HMGB1: variants seen among roughly 807,000 people sequenced by gnomAD.
The protein encoded by HMGB1 is high mobility group box 1, also known as high mobility group protein B1.
For synonymous variants in HMGB1, 81 were observed against 84.0 expected (o/e 0.96, Z 0.19); for missense variants, 79 against 253.5 (o/e 0.31, Z 4.67).
intron 1 of HMGB1, among the ~76,000 whole-genome samples, chr13:30,472,064 G>A (rs1886957634): frequency 6.6e-6 from 1 of 151,938 alleles, no homozygotes; most frequent in South Asian, 2.1e-4. Context: ...GATCACTTGA[G>A]GCCAGGAGTT....
intron 1 of HMGB1, among the ~76,000 whole-genome samples, chr13:30,550,754 A>G (rs973060700): frequency 4.6e-5 from 7 of 152,228 alleles, no homozygotes; most frequent in African/African-American, 1.7e-4. Flanking sequence ...AAATTTTTGC[A>G]TTTGAAAATT....
At chr13:30,465,241 G>A in intron 1 of HMGB1, 3 of 257,024 alleles carry the variant, frequency 1.2e-5, no homozygotes, top group Non-Finnish European at 1.7e-5. Context: ...GGCCCGCACT[G>A]CCGCCCCCAG....
chr13:30,482,953 A>T (rs77550501), intron 1 of HMGB1, among the ~76,000 whole-genome samples: 9 of 143,078 alleles, frequency 6.3e-5, no homozygotes, highest in South Asian at 2.3e-4. Flanking sequence ...AACACCAGCT[A>T]TTTTTTTTTT....
chr13:30,560,359 T>C (rs1282597826), intron 1 of HMGB1, among the ~76,000 whole-genome samples: 2 of 152,200 alleles, frequency 1.3e-5, no homozygotes, highest in Non-Finnish European at 2.9e-5. Flanking sequence ...AATATGAAGC[T>C]TATCGGTAGC....
intron 1 of HMGB1, among the ~76,000 whole-genome samples, chr13:30,502,928 C>T (rs1453379750): frequency 2.0e-5 from 3 of 152,064 alleles, no homozygotes; most frequent in Non-Finnish European, 4.4e-5. Flanking sequence ...CACCCATCTC[C>T]CAAAGTGCTG....
At position 30,568,333 on chromosome 13, in the gene HMGB1, C is replaced by T. The variant is rs1426922013; in HGVS notation, c.-15+48338G>A. 2.0e-5 allele frequency among the ~76,000 whole-genome samples: 3 copies of T among 152,032 alleles called. No homozygotes were observed. In the East Asian group the frequency reaches 5.8e-4, roughly 29 times the overall value. ...AACAGCCCAGGCAACATATTGAGAC[C>T]CCCGTCTCTATAAGCAATAAAAAAT... On this transcript the variant is annotated intron_variant, in intron 1 of 4. Transcript: ENST00000405805.
chr13:30,536,319 A>G (rs1868432079), intron 1 of HMGB1, among the ~76,000 whole-genome samples: 1 of 152,116 alleles, frequency 6.6e-6, no homozygotes, highest in Admixed American at 6.6e-5. Context: ...TTTGCTTCAC[A>G]ATGCAATGTA....
At chr13:30,600,882 T>C (rs895649955) in intron 1 of HMGB1, among the ~76,000 whole-genome samples, 16 of 152,174 alleles carry the variant, frequency 1.1e-4, no homozygotes, top group Admixed American at 8.5e-4. Flanking sequence ...TCAGAGCTTG[T>C]TGATAGCAAA....
intron 1 of HMGB1, among the ~76,000 whole-genome samples, chr13:30,548,733 C>T (rs1005397863): frequency 6.6e-5 from 10 of 152,066 alleles, no homozygotes; most frequent in African/African-American, 2.2e-4. Flanking sequence ...CCTTGGGGGA[C>T]GTATAAGAAT....
rs1158550680 is a variant in HMGB1 at position 30,459,192 on chromosome 13, C to A, written c.*2165G>T. 6.6e-6 allele frequency: 1 copy of A among 152,112 alleles called. No homozygotes were observed. Among genetic ancestry groups the A allele is most frequent in the Non-Finnish European group, 1.5e-5 (1 of 68,016 alleles). The allele number at this position is 152,112 out of a possible 1,614,324, so 9.4% of individuals were successfully genotyped here. On this transcript the variant is annotated 3_prime_UTR_variant, in exon 5 of 5. Coordinates refer to ENST00000341423, the MANE Select transcript of HMGB1 (RefSeq NM_002128.7). ...GCTTTACACTTATCTAAATTGCCTC[C>A]CACTTCCATTTACTTGAGTTTTAGA...
At chr13:30,547,451 G>A (rs982296862) in intron 1 of HMGB1, among the ~76,000 whole-genome samples, 2 of 152,116 alleles carry the variant, frequency 1.3e-5, no homozygotes, top group Non-Finnish European at 2.9e-5. Flanking sequence ...GCCTTAAGCC[G>A]AGTCAAGAGC....
intron 1 of HMGB1, among the ~76,000 whole-genome samples, chr13:30,552,015 G>A (rs971424474): frequency 5.3e-5 from 8 of 152,052 alleles, no homozygotes; most frequent in African/African-American, 1.4e-4. Context: ...TTTTAAAAAT[G>A]CCCCAAGCGT....
At chr13:30,471,260 G>A (rs1886919998) in intron 1 of HMGB1, among the ~76,000 whole-genome samples, 1 of 152,156 alleles carries the variant, frequency 6.6e-6, no homozygotes, top group South Asian at 2.1e-4. Context: ...GTGAGCCAGC[G>A]CGCCTGGCCT....
chr13:30,505,327 T>TG (rs1887830766), intron 1 of HMGB1, among the ~76,000 whole-genome samples: 1 of 151,986 alleles, frequency 6.6e-6, no homozygotes, highest in South Asian at 2.1e-4. Context: ...TACAGGTGCG[T>TG]GCCACCAGGC....
chr13:30,520,744 T>C (rs1888219825), intron 1 of HMGB1, among the ~76,000 whole-genome samples: 3 of 152,220 alleles, frequency 2.0e-5, no homozygotes. Flanking sequence ...CTCAGTATCG[T>C]CCTCTGTGCC....
chr13:30,532,362 G>C (rs1888515402), intron 1 of HMGB1, among the ~76,000 whole-genome samples: 1 of 150,896 alleles, frequency 6.6e-6, no homozygotes, highest in Non-Finnish European at 1.5e-5. Flanking sequence ...ATGGGGTCAG[G>C]ATTTTGCAAC....
At chr13:30,551,605 A>C (rs1869431311) in intron 1 of HMGB1, among the ~76,000 whole-genome samples, 1 of 152,240 alleles carries the variant, frequency 6.6e-6, no homozygotes, top group African/African-American at 2.4e-5. Flanking sequence ...TCTAGGATGC[A>C]GCCCAACACT....
chr13:30,476,994 G>A (rs1448856727), intron 1 of HMGB1, among the ~76,000 whole-genome samples: 1 of 152,132 alleles, frequency 6.6e-6, no homozygotes, highest in East Asian at 1.9e-4. Flanking sequence ...AGGTCACACA[G>A]CTAGTTAGCA....
intron 1 of HMGB1, among the ~76,000 whole-genome samples, chr13:30,564,988 T>G (rs1444091909): frequency 1.3e-5 from 2 of 152,226 alleles, no homozygotes; most frequent in Non-Finnish European, 2.9e-5. Context: ...TAGCTACAAT[T>G]AATGAAGTAC....
Sources: gnomAD v4.1 joint callset for allele counts (sites outside exome capture counted in the v4.1 genomes callset) on GRCh38, gnomAD v4.1.1 for gene constraint, MANE v1.5 for transcripts, NCBI Gene and HGNC (gene_info 2026-07-23, HGNC 2026-07-21) for gene names.